Variants in ANK1 observed in about 807,000 individuals in gnomAD.
ANK1 encodes the protein ankyrin 1.
Under a neutral mutation model 210.4 loss-of-function variants are expected in ANK1, and 51 were observed. That is an observed-to-expected ratio of 0.24 (90% CI 0.19 to 0.31). The LOEUF is 0.31. Among genes scored for constraint, ANK1 ranks in the 10% least tolerant of loss-of-function variants. ANK1 has a pLI of 1.00. For missense variants in ANK1, 2,051 were observed against 2,504.4 expected, an observed-to-expected ratio of 0.82 and a Z score of 3.86; for synonymous variants, 967 against 1,025.9, an observed-to-expected ratio of 0.94 and a Z score of 1.10.
rs373938111 is a variant in ANK1 at position 41,655,129 on chromosome 8, G to GGGGTGT, written c.*660_*661insACACCC. The stretch of plus-strand genomic sequence containing the variant: ...GTGTGTAGATTCAGTGGAGGCGAGT[G>GGGGTGT]GTGTGTGTGTGTGTGTGTGTGTGTC... On this transcript the variant is annotated 3_prime_UTR_variant, in exon 43 of 43. Coordinates refer to ENST00000289734, the MANE Select transcript of ANK1 (RefSeq NM_000037.4). The GGGGTGT allele has an allele frequency of 6.9e-6, 1 of 145,666 alleles. No individual in the cohort carries two copies. The highest frequency in any genetic ancestry group is 2.6e-5 in the African/African-American group (1 of 38,844). 9.0% of individuals were successfully genotyped at this position (145,666 alleles called of 1,614,324 possible).
chr8:41,770,471 C>T (rs981876234), intron 1 of ANK1, among the ~76,000 whole-genome samples: 1 of 152,190 alleles, frequency 6.6e-6, no homozygotes, highest in African/African-American at 2.4e-5. Flanking sequence ...CATTTTGGTA[C>T]TCGGTTCTTA....
intron 1 of ANK1, among the ~76,000 whole-genome samples, chr8:41,817,743 A>C (rs1803559832): frequency 6.6e-6 from 1 of 152,228 alleles, no homozygotes; most frequent in Non-Finnish European, 1.5e-5. Flanking sequence ...CTTTATATAA[A>C]CCAAAGCTCT....
chr8:41,732,111 A>G (rs992291740), intron 3 of ANK1, among the ~76,000 whole-genome samples: 1 of 152,244 alleles, frequency 6.6e-6, no homozygotes. Context: ...TTACCTCAAG[A>G]GATGATTCTA....
In ANK1 at chr8:41,864,472, G is replaced by A. The variant is rs145739914; in HGVS notation, c.126+31883C>T. On this transcript the variant is annotated intron_variant, in intron 1 of 42. Coordinates refer to the ANK1 transcript ENST00000265709. ...GCCCACCACGAGAGCTGCTGGCCGC[G>A]TGCTGAGTCCTCCCCACTCTCCCTC... Among the ~76,000 whole-genome samples, 10 of 152,178 alleles carry A rather than the reference G, an allele frequency of 6.6e-5. No homozygotes were observed. In the East Asian group the frequency reaches 1.9e-3, roughly 29 times the overall value.
At position 41,719,685 on chromosome 8, in the gene ANK1, C is replaced by T; in HGVS notation, c.1083G>A (p.Gly361=). The change falls in exon 10 of 43, where the codon GGG becomes GGA. Residue 361 remains glycine (G), a synonymous_variant. Transcript: ENST00000289734. ...CCAGGGCTCTGGAGTTGGGTTTGGC[C>T]CCTTTATCCAGAAGGACCTTAGCCA... ...HRVAKVLLDK[G]AKPNSRALNG... 2 of 1,614,224 alleles carry T rather than the reference C, an allele frequency of 1.2e-6. No homozygotes were observed. Among genetic ancestry groups the T allele is most frequent in the Non-Finnish European group, 1.7e-6 (2 of 1,180,050 alleles).
chr8:41,861,191 G>A (rs1022836502), intron 1 of ANK1, among the ~76,000 whole-genome samples: 1 of 152,174 alleles, frequency 6.6e-6, no homozygotes, highest in Non-Finnish European at 1.5e-5. Flanking sequence ...AGCAACACTA[G>A]GCACTGAATA....
At chr8:41,744,710 T>C (rs1398185913) in intron 2 of ANK1, among the ~76,000 whole-genome samples, 2 of 152,154 alleles carry the variant, frequency 1.3e-5, no homozygotes, top group African/African-American at 2.4e-5. Flanking sequence ...AATTTTTTTA[T>C]ATTTTTAGTA....
intron 39 of ANK1, chr8:41,665,075 C>CG (rs764234380): frequency 1.2e-5 from 19 of 1,596,916 alleles, no homozygotes; most frequent in Non-Finnish European, 1.4e-5. Context: ...CCGGCCACCA[C>CG]GGGGGGCCTG....
intron 22 of ANK1, 38 bp from the exon 23 acceptor site, chr8:41,699,586 G>A (rs780745026): frequency 6.3e-7 from 1 of 1,584,376 alleles, no homozygotes; most frequent in Admixed American, 1.7e-5. Context: ...ACGGGGTAGA[G>A]GAAGAAGAGT....
intron 1 of ANK1, among the ~76,000 whole-genome samples, chr8:41,793,873 C>T (rs1164782216): frequency 6.6e-6 from 1 of 152,148 alleles, no homozygotes; most frequent in Non-Finnish European, 1.5e-5. Flanking sequence ...ACTATTTTCT[C>T]ATTAAATAGG....
intron 17 of ANK1, 92 bp downstream of exon 17, chr8:41,708,686 C>T: frequency 6.9e-7 from 1 of 1,441,586 alleles, no homozygotes; most frequent in Non-Finnish European, 9.7e-7. Context: ...ACACCCCTAA[C>T]TCAGAACCTG....
At chr8:41,879,160 T>G (rs1172308642) in intron 1 of ANK1, among the ~76,000 whole-genome samples, 2 of 152,114 alleles carry the variant, frequency 1.3e-5, no homozygotes, top group Non-Finnish European at 2.9e-5. Flanking sequence ...AAATCAGACA[T>G]GTGTTCCTGT....
chr8:41,720,256 T>C (rs1828909327), intron 9 of ANK1, among the ~76,000 whole-genome samples: 1 of 152,216 alleles, frequency 6.6e-6, no homozygotes, highest in South Asian at 2.1e-4. Context: ...TGACTTAGCC[T>C]AATATTTCTC....
intron 26 of ANK1, among the ~76,000 whole-genome samples, chr8:41,695,888 G>A (rs548231259): frequency 1.3e-5 from 2 of 152,356 alleles, no homozygotes; most frequent in South Asian, 4.1e-4. Context: ...TGCTTCAAGG[G>A]AGTGGAGCAC....
At chr8:41,858,362 AAG>A (rs1385683153) in intron 1 of ANK1, among the ~76,000 whole-genome samples, 1 of 148,688 alleles carries the variant, frequency 6.7e-6, no homozygotes, top group African/African-American at 2.5e-5. Flanking sequence ...AAAAAAAAAA[AAG>A]AAGAAGAAAA....
chr8:41,706,426 G>A (rs1824597321), intron 17 of ANK1, among the ~76,000 whole-genome samples, 185 bp from the exon 18 acceptor site: 3 of 152,224 alleles, frequency 2.0e-5, no homozygotes, highest in African/African-American at 7.2e-5. Context: ...GGTTACACTA[G>A]ACCAGGGGTT....
At chr8:41,874,127 A>C (rs1202544579) in intron 1 of ANK1, among the ~76,000 whole-genome samples, 1 of 152,212 alleles carries the variant, frequency 6.6e-6, no homozygotes, top group African/African-American at 2.4e-5. Flanking sequence ...GAAAGGCAAC[A>C]GTTCAGATGT....
chr8:41,860,963 C>A (rs928002663), intron 1 of ANK1, among the ~76,000 whole-genome samples: 3 of 152,186 alleles, frequency 2.0e-5, no homozygotes, highest in Non-Finnish European at 4.4e-5. Context: ...AACTCCTCTG[C>A]CATTTTAACA....
intron 1 of ANK1, among the ~76,000 whole-genome samples, chr8:41,869,144 G>A (rs1224019062): frequency 6.6e-6 from 1 of 152,166 alleles, no homozygotes; most frequent in Non-Finnish European, 1.5e-5. Context: ...ATCCAGAGTG[G>A]GAGGTGTCAG....
Sources: allele counts gnomAD v4.1 joint callset (sites outside exome capture counted in the v4.1 genomes callset), GRCh38; gene constraint gnomAD v4.1.1; transcripts MANE v1.5; gene names NCBI Gene and HGNC (gene_info 2026-07-23, HGNC 2026-07-21).